LAMA1: variants seen among roughly 807,000 people sequenced by gnomAD.
LAMA1 encodes laminin subunit alpha 1, also known as laminin subunit alpha-1.
A neutral mutation model predicts 348.7 loss-of-function variants in LAMA1; 219 were observed. The observed-to-expected ratio is 0.63, with a 90% CI of 0.56 to 0.70. The LOEUF is 0.70. Among genes scored for constraint, LAMA1 ranks in the 30% least tolerant of loss-of-function variants. The pLI is 0.00. For missense variants in LAMA1, 3,744 were observed against 3,888.0 expected (o/e 0.96, Z 0.99); for synonymous variants, 1,487 against 1,491.0 (o/e 1.00, Z 0.06).
In LAMA1 at chr18:6,978,449, A is replaced by G. The variant is rs1385694286; in HGVS notation, c.6008-71T>C. On this transcript the variant is annotated intron_variant, in intron 42 of 62. Coordinates refer to ENST00000389658, the MANE Select transcript of LAMA1 (RefSeq NM_005559.4). ...CAGAGAAAAGAATAAAACGACAACAAATGTAATTTCGCACAGAAATATATT... is the reference window on the plus strand; with the variant it reads ...CAGAGAAAAGAATAAAACGACAACAGATGTAATTTCGCACAGAAATATATT... The G allele has an allele frequency of 8.8e-6, 12 of 1,361,824 alleles. No individual in the cohort carries two copies. In the Admixed American group the frequency reaches 2.0e-4, roughly 23 times the overall value. The allele number at this position is 1,361,824 out of a possible 1,614,324, so 84.4% of individuals were successfully genotyped here. A position where few individuals can be genotyped will look rare whatever the true frequency, so the allele number is the denominator to read the frequency against.
Position 6,966,212 on chromosome 18 carries a change from T to A in LAMA1, c.6985A>T (p.Ile2329Leu). The A allele has an allele frequency of 1.2e-6, 2 of 1,614,020 alleles. No individual in the cohort carries two copies. The highest frequency in any genetic ancestry group is 2.2e-5 in the East Asian group (1 of 44,874). ...EKSLPATVTQ[I>L]IMLFNTFSPN... ...GAAAAGGTATTAAAAAGCATGATTA[T>A]CTGGGTCACGGTAGCCGGAAGTGAC... The change falls in exon 49 of 63, where the codon ATA becomes TTA. Residue 2329 changes from isoleucine to leucine, a missense_variant. This residue lies in a region of LAMA1 where 1,983 missense variants were observed against 1,934.3 expected (regional missense o/e 1.03). Coordinates refer to ENST00000389658, the MANE Select transcript of LAMA1 (RefSeq NM_005559.4).
At chr18:7,075,281 G>T (rs1437854025) in intron 3 of LAMA1, among the ~76,000 whole-genome samples, 1 of 151,994 alleles carries the variant, frequency 6.6e-6, no homozygotes, top group Admixed American at 6.6e-5. Context: ...TTTCTATTCA[G>T]ACTGTGAACA....
chr18:6,944,272 T>G (rs1162236092), intron 61 of LAMA1, among the ~76,000 whole-genome samples: 1 of 152,168 alleles, frequency 6.6e-6, no homozygotes, highest in Non-Finnish European at 1.5e-5. Context: ...CACCTCGGCC[T>G]CCCAAAGTGC....
chr18:7,041,397 G>A lies in LAMA1; in HGVS notation c.1261+748C>T, dbSNP rs9954154. ...CATCATCATCTTCATTATTATCATC[G>A]TCATCATCCCCTCACCAGGTGCACG... On this transcript the variant is annotated intron_variant, in intron 9 of 62. Coordinates refer to ENST00000389658, the MANE Select transcript of LAMA1 (RefSeq NM_005559.4). Among the ~76,000 whole-genome samples the A allele has an allele frequency of 4.7e-3, 369 of 78,366 alleles. 2 individuals carry two copies. Among genetic ancestry groups the A allele is most frequent in the African/African-American group, 0.042 (338 of 8,072 alleles). 51.4% of individuals were successfully genotyped at this position (78,366 alleles called of 152,430 possible).
At chr18:7,042,689 C>T in intron 8 of LAMA1, 1 of 220,968 alleles carries the variant, frequency 4.5e-6, no homozygotes, top group South Asian at 7.2e-5. Flanking sequence ...TTGAGACCAT[C>T]CTGGCCGACA....
intron 36 of LAMA1, among the ~76,000 whole-genome samples, chr18:6,989,071 AGTCGACTTTTGC>A (rs2057747955): frequency 6.6e-6 from 1 of 152,062 alleles, no homozygotes; most frequent in Non-Finnish European, 1.5e-5. Context: ...TCCTTCTGGG[AGTCGACTTTTGC>A]TATGTGCTAG....
At chr18:7,087,981 T>C (rs1320051012) in intron 1 of LAMA1, among the ~76,000 whole-genome samples, 2 of 152,224 alleles carry the variant, frequency 1.3e-5, no homozygotes, top group Non-Finnish European at 2.9e-5. Flanking sequence ...TCAAATATAA[T>C]TAGTCTTTCA....
intron 48 of LAMA1, among the ~76,000 whole-genome samples, chr18:6,967,403 C>T (rs11876370): frequency 2.0e-5 from 3 of 152,118 alleles, no homozygotes; most frequent in Non-Finnish European, 4.4e-5. Flanking sequence ...GTGCATGTGC[C>T]GGAGGATAGA....
intron 1 of LAMA1, among the ~76,000 whole-genome samples, chr18:7,099,170 C>G (rs1399072229): frequency 2.0e-5 from 3 of 151,266 alleles, no homozygotes; most frequent in Non-Finnish European, 4.4e-5. Context: ...GACCTTACCC[C>G]CAACCCTGTG....
chr18:7,058,861 A>C (rs1215473559), intron 3 of LAMA1, among the ~76,000 whole-genome samples: 1 of 152,178 alleles, frequency 6.6e-6, no homozygotes, highest in Non-Finnish European at 1.5e-5. Context: ...TAATGTAGAA[A>C]AACTGAAGGA....
chr18:6,983,924 C>T (rs545755416), intron 39 of LAMA1, among the ~76,000 whole-genome samples: 7 of 152,168 alleles, frequency 4.6e-5, no homozygotes, highest in Non-Finnish European at 7.4e-5. Flanking sequence ...ATTCCCAGAC[C>T]GAATATTAGC....
intron 17 of LAMA1, 147 bp downstream of exon 17, chr18:7,025,832 C>A: frequency 1.7e-6 from 2 of 1,178,630 alleles, no homozygotes; most frequent in Non-Finnish European, 2.5e-6. Flanking sequence ...AATAACCCAC[C>A]CCTCTGTCTT....
intron 12 of LAMA1, 106 bp downstream of exon 12, chr18:7,037,472 C>T (rs2058000344): frequency 7.9e-7 from 1 of 1,269,136 alleles, no homozygotes; most frequent in East Asian, 2.3e-5. Context: ...CTGTCCAACA[C>T]TCAGGTGCCC....
chr18:7,067,423 G>A (rs2058126870), intron 3 of LAMA1, among the ~76,000 whole-genome samples: 1 of 151,342 alleles, frequency 6.6e-6, no homozygotes, highest in African/African-American at 2.4e-5. Context: ...GACGCACTGT[G>A]ATTCCATTAA....
intron 56 of LAMA1, chr18:6,955,789 C>T (rs2057573945): frequency 2.4e-6 from 1 of 410,606 alleles, no homozygotes; most frequent in African/African-American, 2.0e-5. Context: ...TAGGCCCCCG[C>T]CGTGACCCGA....
At chr18:7,068,664 T>C (rs2058133204) in intron 3 of LAMA1, among the ~76,000 whole-genome samples, 2 of 152,282 alleles carry the variant, frequency 1.3e-5, no homozygotes, top group Admixed American at 1.3e-4. Flanking sequence ...ACTGAAGACA[T>C]TAAAAACACA....
In LAMA1 at chr18:7,042,208, C is replaced by T. The variant is rs1169588808; in HGVS notation, c.1198G>A (p.Asp400Asn). 6.2e-7 allele frequency: 1 copy of T among 1,612,614 alleles called. No individual in the cohort carries two copies. Among genetic ancestry groups the T allele is most frequent in the South Asian group, 1.1e-5 (1 of 90,698 alleles). ...ACAGAACTGAGGGACCCCACAGGGT[C>T]ACAATTACAGGGGCGGCAAGGCTCA... ...EDEPCRPCNCDPVGSLSSVCI... is the reference protein window; with the variant it reads ...EDEPCRPCNCNPVGSLSSVCI... Residue 400 changes from aspartate (D) to asparagine (N), a missense_variant, in exon 9 of 63, where the codon GAC becomes AAC. Physicochemically the swap from Asp to Asn is conservative, Grantham distance 23. Around this residue, in one of 3 missense-constraint regions of LAMA1, gnomAD observed 1,529 missense variants for 1,689.4 expected, o/e 0.91. Coordinates refer to ENST00000389658, the MANE Select transcript of LAMA1 (RefSeq NM_005559.4).
intron 1 of LAMA1, among the ~76,000 whole-genome samples, chr18:7,089,999 T>C (rs368426918): frequency 2.0e-5 from 3 of 152,258 alleles, no homozygotes; most frequent in East Asian, 3.9e-4. Context: ...GCGTTCCCAA[T>C]ACTACATAGT....
At chr18:6,966,058 A>G in intron 49 of LAMA1, 89 bp downstream of exon 49, 1 of 1,417,072 alleles carries the variant, frequency 7.1e-7, no homozygotes, top group Non-Finnish European at 9.9e-7. Context: ...TACATATTTA[A>G]TTAGTAAATC....
Sources: gnomAD v4.1 joint callset for allele counts (sites outside exome capture counted in the v4.1 genomes callset) on GRCh38, gnomAD v4.1.1 for gene constraint, gnomAD v4.1.1 regional missense constraint, MANE v1.5 for transcripts, NCBI Gene and HGNC (gene_info 2026-07-23, HGNC 2026-07-21) for gene names.